The following ZNF536 variants were observed in gnomAD, a reference collection of about 807,000 sequenced individuals.
The protein encoded by ZNF536 is zinc finger protein 536.
In ZNF536, 13 loss-of-function variants were observed where a neutral mutation model predicts 84.5. That is an observed-to-expected ratio of 0.15 (90% CI 0.10 to 0.24). ZNF536 has a LOEUF of 0.24. Among genes scored for constraint, ZNF536 ranks in the 10% least tolerant of loss-of-function variants. ZNF536 has a pLI of 1.00. For missense variants in ZNF536, 1,536 were observed against 1,747.5 expected (o/e 0.88, Z 2.16); for synonymous variants, 811 against 742.5 (o/e 1.09, Z -1.50).
intron 1 of ZNF536, among the ~76,000 whole-genome samples, chr19:30,273,105 C>T (rs1322128195): frequency 6.6e-6 from 1 of 152,116 alleles, no homozygotes; most frequent in Admixed American, 6.5e-5. Flanking sequence ...TCTCACTATG[C>T]TGCTGAGAAT....
In ZNF536 at chr19:30,602,494, TA is replaced by T. The variant is rs547176942; in HGVS notation, c.169+52981del. Among the ~76,000 whole-genome samples, 253 of 152,328 alleles carry T rather than the reference TA, an allele frequency of 1.7e-3. 2 individuals are homozygous for T. Among genetic ancestry groups the T allele is most frequent in the African/African-American group, 5.6e-3 (234 of 41,580 alleles). ...CCTTGACAAACAGCTTCCCAATGGA[TA>T]CCCAAAAGTCATAACTGGATGGGTA... On this transcript the variant is annotated intron_variant, in intron 1 of 1. Transcript: ENST00000592773.
chr19:30,633,405 C>CT (rs1025608745), intron 1 of ZNF536, among the ~76,000 whole-genome samples: 2 of 152,288 alleles, frequency 1.3e-5, no homozygotes, highest in African/African-American at 4.8e-5. Flanking sequence ...AAATATTTAA[C>CT]TTTTTTTATA....
At chr19:30,632,960 A>C (rs1006590185) in intron 1 of ZNF536, among the ~76,000 whole-genome samples, 30 of 152,234 alleles carry the variant, frequency 2.0e-4, no homozygotes, top group African/African-American at 6.3e-4. Context: ...AGGGCTGTGG[A>C]TTACAGATTC....
intron 4 of ZNF536, among the ~76,000 whole-genome samples, chr19:30,550,826 T>C (rs2045749615): frequency 6.6e-6 from 1 of 152,214 alleles, no homozygotes; most frequent in Non-Finnish European, 1.5e-5. Context: ...TTTTGAATTG[T>C]CGAAAATCAC....
chr19:30,558,472 CAG>C (rs1389438332), downstream of ZNF536, among the ~76,000 whole-genome samples: 1 of 152,224 alleles, frequency 6.6e-6, no homozygotes, highest in Non-Finnish European at 1.5e-5. Flanking sequence ...CGCTGACACC[CAG>C]CCTCCCTTCA....
intron 1 of ZNF536, among the ~76,000 whole-genome samples, chr19:30,587,412 C>T (rs1412111736): frequency 6.6e-6 from 1 of 152,218 alleles, no homozygotes; most frequent in Admixed American, 6.5e-5. Context: ...TGGTATTACT[C>T]TCCCATTCTC....
chr19:30,659,625 T>C (rs1600178020), intron 1 of ZNF536, among the ~76,000 whole-genome samples: 1 of 151,798 alleles, frequency 6.6e-6, no homozygotes, highest in Non-Finnish European at 1.5e-5. Flanking sequence ...CAGGCAAGAG[T>C]AGAAGTGCCA....
chr19:30,233,430 G>A (rs1036282193), intron 1 of ZNF536, among the ~76,000 whole-genome samples: 8 of 150,868 alleles, frequency 5.3e-5, no homozygotes, highest in Non-Finnish European at 1.0e-4. Context: ...CTGTAGCCTC[G>A]TCCTGGGTTC....
chr19:30,477,341 C>T (rs2053891816), intron 2 of ZNF536, among the ~76,000 whole-genome samples: 1 of 152,180 alleles, frequency 6.6e-6, no homozygotes. Flanking sequence ...CCTAGAGTAG[C>T]TCATGATACA....
rs1600817049 is a variant in ZNF536, at chr19:30,457,344, T to A, written c.2170+11612T>A. The stretch of plus-strand genomic sequence containing the variant: ...GCAGACAAGTCTCTTTTAGCCACTG[T>A]GGCTGGCTGCTGTTCTTTCCCTGGC... On this transcript the variant is annotated intron_variant, in intron 2 of 4. Transcript: ENST00000355537. Among the ~76,000 whole-genome samples, 4 of 152,382 alleles carry A rather than the reference T, an allele frequency of 2.6e-5. No individual in the cohort carries two copies. The South Asian group carries it at 6.2e-4, about 24-fold the overall frequency.
intron 1 of ZNF536, among the ~76,000 whole-genome samples, chr19:30,426,854 G>A (rs1174850040): frequency 6.6e-6 from 1 of 152,166 alleles, no homozygotes; most frequent in Non-Finnish European, 1.5e-5. Context: ...AGCTTAGAGG[G>A]TAGAGGTGAG....
At position 30,632,330 on chromosome 19, in the gene ZNF536, G is replaced by T. The variant is rs10426336; in HGVS notation, c.170-78427G>T. Among the ~76,000 whole-genome samples, 404 of 152,330 alleles carry T rather than the reference G, an allele frequency of 2.7e-3. 2 individuals carry two copies. The highest frequency in any genetic ancestry group is 9.3e-3 in the African/African-American group (385 of 41,578). On this transcript the variant is annotated intron_variant, in intron 1 of 1. Transcript: ENST00000592773. ...CTGTAAAAACCAGAAGTCCAGCCAG[G>T]TGAGGTGGCTCACACTTGTAATCCC... is the stretch of plus-strand genomic sequence containing the variant.
intron 2 of ZNF536, among the ~76,000 whole-genome samples, chr19:30,322,387 C>T (rs556559994): frequency 1.3e-5 from 2 of 152,238 alleles, no homozygotes; most frequent in African/African-American, 4.8e-5. Flanking sequence ...AGCCAGATGC[C>T]CACAGGGGAA....
intron 1 of ZNF536, among the ~76,000 whole-genome samples, chr19:30,582,953 G>A (rs946333005): frequency 1.3e-5 from 2 of 152,180 alleles, no homozygotes; most frequent in African/African-American, 4.8e-5. Context: ...CATATCAGAT[G>A]TGGTCTCACT....
At chr19:30,529,087 G>A (rs553246899) in intron 2 of ZNF536, among the ~76,000 whole-genome samples, 38 of 152,248 alleles carry the variant, frequency 2.5e-4, no homozygotes, top group African/African-American at 8.4e-4. Flanking sequence ...AGGGACCCGG[G>A]AGGAAAAGAT....
intron 2 of ZNF536, among the ~76,000 whole-genome samples, chr19:30,294,211 A>G (rs780657924): frequency 9.2e-5 from 14 of 152,010 alleles, no homozygotes; most frequent in Non-Finnish European, 1.9e-4. Context: ...GAGGAGAGGG[A>G]GTTTTAGCTG....
intron 1 of ZNF536, among the ~76,000 whole-genome samples, chr19:30,433,050 C>A (rs1392519505): frequency 1.3e-5 from 2 of 152,220 alleles, no homozygotes; most frequent in Non-Finnish European, 2.9e-5. Flanking sequence ...CTCAGATTGA[C>A]TTTCAAGTCT....
At chr19:30,267,179 C>A (rs2025560164) in intron 1 of ZNF536, among the ~76,000 whole-genome samples, 1 of 152,186 alleles carries the variant, frequency 6.6e-6, no homozygotes, top group South Asian at 2.1e-4. Context: ...CTGTTCTCTG[C>A]AAATTATTTT....
At chr19:30,345,374 G>A (rs2047708497) in intron 2 of ZNF536, among the ~76,000 whole-genome samples, 1 of 152,206 alleles carries the variant, frequency 6.6e-6, no homozygotes, top group African/African-American at 2.4e-5. Context: ...GTACATAGAT[G>A]GGCAAGAAGT....
Sources: allele counts gnomAD v4.1 joint callset (sites outside exome capture counted in the v4.1 genomes callset), GRCh38; gene constraint gnomAD v4.1.1; transcripts MANE v1.5; gene names NCBI Gene and HGNC (gene_info 2026-07-23, HGNC 2026-07-21).